The following PHACTR3 variants were observed in gnomAD, a reference collection of about 807,000 sequenced individuals.
PHACTR3 encodes protein phosphatase 1, regulatory subunit 123.
A neutral mutation model predicts 66.8 loss-of-function variants in PHACTR3; 16 were observed. The ratio of observed to expected loss-of-function variants is 0.24; its 90% confidence interval spans 0.16 to 0.36. The LOEUF (loss-of-function observed/expected upper bound fraction) is 0.36. Among genes scored for constraint, PHACTR3 ranks in the 10% least tolerant of loss-of-function variants. The pLI, the probability that PHACTR3 is intolerant of heterozygous loss-of-function variation, is 1.00. For missense variants in PHACTR3, 647 were observed against 719.9 expected (o/e 0.90, Z 1.16); for synonymous variants, 323 against 292.1 (o/e 1.11, Z -1.08).
intron 1 of PHACTR3, among the ~76,000 whole-genome samples, chr20:59,587,742 G>A (rs568558755): frequency 6.6e-6 from 1 of 152,244 alleles, no homozygotes; most frequent in East Asian, 1.9e-4. Context: ...AGCTGGAGCT[G>A]GGGCTGGAGC....
In PHACTR3 at chr20:59,761,575, G is replaced by A. The variant is rs569932718; in HGVS notation, c.542-5611G>A. Among the ~76,000 whole-genome samples the A allele has an allele frequency of 1.3e-4, 20 of 152,348 alleles. No homozygotes were observed. The South Asian group carries it at 4.1e-3, about 32-fold the overall frequency. On this transcript the variant is annotated intron_variant, in intron 4 of 12. Coordinates refer to ENST00000371015, the MANE Select transcript of PHACTR3 (RefSeq NM_080672.5). ...CTCTTGAGGCAAGTGGCAGGGCAGAGTTTTTCCTCTTGTTTAAGTTCCTAC... is the reference window on the plus strand; with the variant it reads ...CTCTTGAGGCAAGTGGCAGGGCAGAATTTTTCCTCTTGTTTAAGTTCCTAC...
chr20:59,652,521 G>A (rs1348693530), intron 1 of PHACTR3, among the ~76,000 whole-genome samples: 1 of 152,124 alleles, frequency 6.6e-6, no homozygotes, highest in East Asian at 1.9e-4. Flanking sequence ...TTGTGCCACT[G>A]CACTCCAGCC....
intron 4 of PHACTR3, among the ~76,000 whole-genome samples, chr20:59,759,341 T>A (rs1003938600): frequency 1.3e-5 from 2 of 152,222 alleles, no homozygotes; most frequent in Admixed American, 1.3e-4. Flanking sequence ...TTAAATGCAC[T>A]GGTTAAAAAT....
chr20:59,770,169 T>G (rs1260164351), intron 5 of PHACTR3, among the ~76,000 whole-genome samples: 1 of 152,214 alleles, frequency 6.6e-6, no homozygotes, highest in East Asian at 1.9e-4. Context: ...CGGACACTTC[T>G]GGCTTCCGCC....
intron 8 of PHACTR3, among the ~76,000 whole-genome samples, chr20:59,809,198 C>T (rs377082798): frequency 6.6e-6 from 1 of 152,092 alleles, no homozygotes; most frequent in African/African-American, 2.4e-5. Context: ...GGGCCGTGAA[C>T]GTAAGCAGGT....
intron 3 of PHACTR3, among the ~76,000 whole-genome samples, chr20:59,754,856 G>T (rs1449245615): frequency 6.6e-6 from 1 of 152,272 alleles, no homozygotes; most frequent in Non-Finnish European, 1.5e-5. Context: ...AGAGGCCGGG[G>T]TCAGAGTGGG....
chr20:59,582,104 A>G (rs752892774), intron 1 of PHACTR3, among the ~76,000 whole-genome samples: 3 of 152,232 alleles, frequency 2.0e-5, no homozygotes, highest in Non-Finnish European at 2.9e-5. Context: ...CCTCTGGAAC[A>G]TGAATCCTCC....
intron 4 of PHACTR3, among the ~76,000 whole-genome samples, chr20:59,762,806 CAGA>C: frequency 6.6e-6 from 1 of 152,212 alleles, no homozygotes; most frequent in East Asian, 1.9e-4. Context: ...GAGGCCCAGG[CAGA>C]AGTTCTGACA....
At chr20:59,824,375 T>C in intron 8 of PHACTR3, among the ~76,000 whole-genome samples, 1 of 152,224 alleles carries the variant, frequency 6.6e-6, no homozygotes. Context: ...AAGCCACTAT[T>C]CAAGCAAAGG....
rs747549231 is a variant in PHACTR3 at position 59,736,411 on chromosome 20, C to A, written c.119-6696C>A. On this transcript the variant is annotated intron_variant, in intron 1 of 12. Coordinates refer to ENST00000371015, the MANE Select transcript of PHACTR3 (RefSeq NM_080672.5). This position sits in a 1 kb window ranked among gnomAD's most constrained non-coding sequence, Gnocchi z 4.6. ...AGTGGGGGGAGGTGCTCCCATCTGT[C>A]CCTTCCCTCTGTGGACAGGTGTGCA... is the stretch of plus-strand genomic sequence containing the variant. 9.9e-5 allele frequency among the ~76,000 whole-genome samples: 15 copies of A among 152,088 alleles called. No individual in the cohort carries two copies. The highest frequency in any genetic ancestry group is 1.9e-4 in the Non-Finnish European group (13 of 68,016).
intron 1 of PHACTR3, among the ~76,000 whole-genome samples, chr20:59,701,675 G>A (rs115382602): frequency 0.03 from 4,562 of 152,168 alleles, 200 homozygotes; most frequent in African/African-American, 0.098. Flanking sequence ...TATTATTAAC[G>A]TGTTGCATTG....
intron 1 of PHACTR3, among the ~76,000 whole-genome samples, chr20:59,703,516 T>G (rs1250264343): frequency 6.6e-6 from 1 of 152,062 alleles, no homozygotes; most frequent in Non-Finnish European, 1.5e-5. Flanking sequence ...TGGGGGAAGG[T>G]TTGTAAGGTT....
At chr20:59,804,110 G>A (rs954658849) in intron 7 of PHACTR3, among the ~76,000 whole-genome samples, 1 of 152,172 alleles carries the variant, frequency 6.6e-6, no homozygotes, top group Non-Finnish European at 1.5e-5. Context: ...TGGCTTTTAA[G>A]TAGCAAAACC....
chr20:59,819,228 C>A (rs1377771948), intron 8 of PHACTR3, among the ~76,000 whole-genome samples: 1 of 152,138 alleles, frequency 6.6e-6, no homozygotes, highest in Non-Finnish European at 1.5e-5. Flanking sequence ...GGCTGGTCAC[C>A]AGACCTGGGT....
intron 7 of PHACTR3, among the ~76,000 whole-genome samples, chr20:59,783,368 GCT>G (rs1449521455): frequency 6.6e-6 from 1 of 152,202 alleles, no homozygotes; most frequent in Non-Finnish European, 1.5e-5. Context: ...AAGCAGCAGA[GCT>G]CTCAGAGTGG....
intron 1 of PHACTR3, among the ~76,000 whole-genome samples, chr20:59,593,087 G>A (rs985597998): frequency 1.2e-4 from 19 of 152,194 alleles, no homozygotes; most frequent in Non-Finnish European, 2.6e-4. Flanking sequence ...GTCTTCCAAA[G>A]TAGCTGCACC....
chr20:59,608,566 G>A (rs1001931027), intron 1 of PHACTR3, among the ~76,000 whole-genome samples: 3 of 152,190 alleles, frequency 2.0e-5, no homozygotes, highest in Admixed American at 1.3e-4. Flanking sequence ...CCCTGGCATC[G>A]GCCCCAGCAC....
intron 1 of PHACTR3, among the ~76,000 whole-genome samples, chr20:59,693,696 C>G (rs1217134264): frequency 6.6e-6 from 1 of 152,194 alleles, no homozygotes; most frequent in Non-Finnish European, 1.5e-5. Context: ...GGTGGTTCTT[C>G]CAATCTTGGC....
intron 1 of PHACTR3, 107 bp from the exon 2 acceptor site, chr20:59,743,000 G>A: frequency 1.6e-6 from 2 of 1,274,712 alleles, no homozygotes; most frequent in Non-Finnish European, 2.2e-6. Flanking sequence ...CCAGGCTTTG[G>A]GGGGATCACT....
Sources: gnomAD v4.1 joint callset for allele counts (sites outside exome capture counted in the v4.1 genomes callset) on GRCh38, gnomAD v4.1.1 for gene constraint, Gnocchi (gnomAD v3.1) non-coding constraint, MANE v1.5 for transcripts, NCBI Gene and HGNC (gene_info 2026-07-23, HGNC 2026-07-21) for gene names.